Variants in HERC2 observed in about 807,000 individuals in gnomAD.
HERC2 encodes the protein HECT and RLD domain containing E3 ubiquitin protein ligase 2.
A neutral mutation model predicts 537.7 loss-of-function variants in HERC2; 102 were observed. The observed-to-expected ratio is 0.19, with a 90% CI of 0.16 to 0.22. The LOEUF is 0.22. HERC2 is among the 10% of genes least tolerant of loss of function. HERC2 has a pLI of 1.00. For missense variants in HERC2, 4,236 were observed against 6,198.2 expected (o/e 0.68, Z 10.63); for synonymous variants, 2,224 against 2,466.2 (o/e 0.90, Z 2.91).
chr15:28,269,434 T>C lies in HERC2; in HGVS notation c.1260A>G (p.Gly420=), dbSNP rs574459219. The change falls in exon 11 of 93, where the codon GGA becomes GGG. Residue 420 remains glycine, a splice_region_variant and synonymous_variant. Coordinates refer to ENST00000261609, the MANE Select transcript of HERC2 (RefSeq NM_004667.6). ...CCCAACCTATGACCTCTTGCAATGA[T>C]CCCTGTAAGATAAGAAAGTAAACAT... ...PLCSSPTSHK[G]SLQEVIGWGL... The C allele has an allele frequency of 3.1e-6, 5 of 1,608,576 alleles. No individual in the cohort carries two copies. In the South Asian group the frequency reaches 5.5e-5, roughly 18 times the overall value.
At chr15:28,233,873 T>C (rs1326452670) in intron 27 of HERC2, 77 bp from the exon 28 acceptor site, 1 of 1,392,986 alleles carries the variant, frequency 7.2e-7, no homozygotes, top group Non-Finnish European at 1.0e-6. Flanking sequence ...CCACAGCTTC[T>C]GACGCACTTG....
intron 65 of HERC2, among the ~76,000 whole-genome samples, chr15:28,170,607 T>G (rs1199843010): frequency 2.6e-5 from 4 of 152,050 alleles, no homozygotes; most frequent in Admixed American, 2.0e-4. Flanking sequence ...TAGGCAAAAA[T>G]ATACTTAGAC....
At chr15:28,117,767 T>C (rs2142063420) in intron 86 of HERC2, 1 of 356,718 alleles carries the variant, frequency 2.8e-6, no homozygotes. Flanking sequence ...TGCCCATCCT[T>C]CTCATCCTAA....
intron 39 of HERC2, among the ~76,000 whole-genome samples, chr15:28,215,172 C>T (rs1184413091): frequency 6.6e-6 from 1 of 152,070 alleles, no homozygotes. Flanking sequence ...CCACTGCGCC[C>T]GGCCTCTCTT....
At chr15:28,295,046 G>T (rs1249657126) in intron 3 of HERC2, among the ~76,000 whole-genome samples, 6 of 151,908 alleles carry the variant, frequency 3.9e-5, no homozygotes, top group African/African-American at 9.7e-5. Flanking sequence ...TTACAGAATT[G>T]CAAATTAAAA....
chr15:28,223,954 A>T (rs1360049866), intron 35 of HERC2, among the ~76,000 whole-genome samples: 4 of 152,006 alleles, frequency 2.6e-5, no homozygotes, highest in Non-Finnish European at 4.4e-5. Flanking sequence ...AAAGTAGACA[A>T]CATAAAAAGG....
At chr15:28,309,375 G>A (rs1377102793) in intron 2 of HERC2, among the ~76,000 whole-genome samples, 2 of 152,120 alleles carry the variant, frequency 1.3e-5, no homozygotes, top group Non-Finnish European at 1.5e-5. Flanking sequence ...ATTTATAATA[G>A]TTATAGCCTC....
chr15:28,268,546 T>C lies in HERC2; in HGVS notation c.1517A>G (p.His506Arg), dbSNP rs1196697019. ...VKIAAHSDGH[H>R]YLALAATGEV... The stretch of plus-strand genomic sequence containing the variant: ...TCCAGTAGCAGCCAAGGCTAGGTAG[T>C]GGTGACCATCAGAATGGGCAGCAAT... The change falls in exon 12 of 93, where the codon CAC becomes CGC. Residue 506 changes from histidine to arginine, a missense_variant. His to Arg is a conservative substitution (Grantham distance 29, BLOSUM62 0). This residue lies in a region of HERC2 where 754 missense variants were observed against 1,085.0 expected (regional missense o/e 0.69). Transcript: ENST00000261609. This position sits in a 1 kb window ranked among gnomAD's most constrained non-coding sequence, Gnocchi z 4.7. 2 of 1,614,104 alleles carry C rather than the reference T, an allele frequency of 1.2e-6. No individual in the cohort carries two copies. The highest frequency in any genetic ancestry group is 1.7e-5 in the Admixed American group (1 of 60,026).
chr15:28,233,236 A>G lies in HERC2; in HGVS notation c.4585T>C (p.Ser1529Pro), dbSNP rs1902069944. ...AACAATTTAAACTTAGACATTATAG[A>G]GAGGTCATTACAAACAGCAGGTCTC... The part of the protein sequence containing the change: ...ELRPAVCNDL[S>P]IMSKFKLLSS... The change falls in exon 30 of 93, where the codon TCT (serine) becomes CCT (proline). Residue 1529 changes from serine to proline, a missense_variant. By Grantham distance (74) the Ser-to-Pro change is moderately conservative (BLOSUM62 -1). Coordinates refer to ENST00000261609, the MANE Select transcript of HERC2 (RefSeq NM_004667.6). 3 of 1,602,202 alleles carry G rather than the reference A, an allele frequency of 1.9e-6. No homozygotes were observed. The highest frequency in any genetic ancestry group is 1.3e-5 in the African/African-American group (1 of 74,296).
rs764919106 is a variant in HERC2, at chr15:28,115,477, G to A, written c.13674C>T (p.Val4558=). 20 of 1,614,002 alleles carry A rather than the reference G, an allele frequency of 1.2e-5. No individual in the cohort carries two copies. Among genetic ancestry groups the A allele is most frequent in the Non-Finnish European group, 1.5e-5 (18 of 1,179,992 alleles). Residue 4558 remains valine, a synonymous_variant, in exon 89 of 93, where the codon GTC becomes GTT. Transcript: ENST00000261609. ...SPLSLNLAEP[V]WKQLAGMSLT... ...GGCTCATCCCAGCCAGCTGCTTCCA[G>A]ACAGGCTCGGCAAGGTTGAGGCTCA...
intron 6 of HERC2, 127 bp downstream of exon 6, chr15:28,274,778 C>G: frequency 1.3e-6 from 1 of 747,078 alleles, no homozygotes; most frequent in Non-Finnish European, 2.3e-6. Context: ...ATCTCACAAG[C>G]AAGGAAACTG....
At chr15:28,130,393 CACA>C in intron 82 of HERC2, 91 bp from the exon 83 acceptor site, 1 of 1,592,332 alleles carries the variant, frequency 6.3e-7, no homozygotes, top group Non-Finnish European at 8.6e-7. Flanking sequence ...CTGTTCAGGA[CACA>C]ACCATAGCCT....
intron 69 of HERC2, among the ~76,000 whole-genome samples, chr15:28,155,227 T>C (rs934385016): frequency 6.6e-6 from 1 of 152,104 alleles, no homozygotes. Context: ...AATAAACATA[T>C]GTGTGCATGT....
chr15:28,235,000 A>G (rs1902274097), intron 26 of HERC2, among the ~76,000 whole-genome samples: 1 of 151,984 alleles, frequency 6.6e-6, no homozygotes, highest in Non-Finnish European at 1.5e-5. Context: ...GCGTGGTGCA[A>G]GGCATGGGAT....
intron 83 of HERC2, among the ~76,000 whole-genome samples, chr15:28,126,732 G>C (rs1003568640): frequency 5.6e-4 from 85 of 152,242 alleles, no homozygotes; most frequent in African/African-American, 2.0e-3. Context: ...AGAGGAGTGA[G>C]GGATAAAAGA....
At chr15:28,233,091 G>A (rs1902049735) in intron 30 of HERC2, 55 bp downstream of exon 30, 5 of 1,356,764 alleles carry the variant, frequency 3.7e-6, no homozygotes, top group Non-Finnish European at 3.1e-6. Context: ...CAGATCCAAT[G>A]TGGCAGGGTG....
chr15:28,112,121 A>G, intron 92 of HERC2, 86 bp from the exon 93 acceptor site: 1 of 1,338,698 alleles, frequency 7.5e-7, no homozygotes, highest in African/African-American at 1.5e-5. Context: ...CGTGCTCACA[A>G]AACCATATTT....
At position 28,122,020 on chromosome 15, in the gene HERC2, G is replaced by C. The variant is rs998615074; in HGVS notation, c.13189-591C>G. 7.4e-5 allele frequency among the ~76,000 whole-genome samples: 11 copies of C among 148,996 alleles called. No homozygotes were observed. Among genetic ancestry groups the C allele is most frequent in the Non-Finnish European group, 3.0e-5 (2 of 67,106 alleles). Reference sequence around the variant, plus strand: ...GCACCGCGGAGCCAGCCGGACCTTGGATCGCCACTGCCTGCCATACAGCAG... The same window carrying C: ...GCACCGCGGAGCCAGCCGGACCTTGCATCGCCACTGCCTGCCATACAGCAG... On this transcript the variant is annotated intron_variant, in intron 85 of 92. Transcript: ENST00000261609. This position sits in a 1 kb window ranked among gnomAD's most constrained non-coding sequence, Gnocchi z 4.1.
intron 22 of HERC2, 126 bp downstream of exon 22, chr15:28,246,616 G>C (rs1903731471): frequency 1.4e-6 from 1 of 717,756 alleles, no homozygotes; most frequent in Non-Finnish European, 2.2e-6. Flanking sequence ...AAAAACAAAG[G>C]TGAAAGGGCA....
Sources: gnomAD v4.1 joint callset for allele counts (sites outside exome capture counted in the v4.1 genomes callset) on GRCh38, gnomAD v4.1.1 for gene constraint, gnomAD v4.1.1 regional missense constraint, Gnocchi (gnomAD v3.1) non-coding constraint, MANE v1.5 for transcripts, NCBI Gene and HGNC (gene_info 2026-07-23, HGNC 2026-07-21) for gene names.